PDZD9: variants seen among roughly 807,000 people sequenced by gnomAD.
The protein encoded by PDZD9 is PDZ domain containing 9, also known as PDZ domain-containing protein 9.
PDZD9 carries 13 observed loss-of-function variants against 16.3 expected under a neutral mutation model. That is an observed-to-expected ratio of 0.80 (90% CI 0.52 to 1.27). The LOEUF (loss-of-function observed/expected upper bound fraction) is 1.27. Among genes scored for constraint, PDZD9 ranks in the 50% most tolerant of loss-of-function variants. The probability of loss-of-function intolerance (pLI) is 0.00; values close to 1 mark genes in which losing one functional copy is unlikely to be tolerated. For missense variants in PDZD9, 288 were observed against 310.9 expected, an observed-to-expected ratio of 0.93 and a Z score of 0.55; for synonymous variants, 120 against 111.0, an observed-to-expected ratio of 1.08 and a Z score of -0.51.
At chr16:21,976,399 T>C in the PDZD9 span, 3 of 638,936 alleles carry the variant, frequency 4.7e-6, 1 homozygote, top group East Asian at 6.3e-5. Flanking sequence ...CCTAAAGATA[T>C]AATTGTTAAC....
At chr16:21,983,604 T>A, downstream of PDZD9, 1 of 190,696 alleles carries the variant, frequency 5.2e-6, no homozygotes, top group Non-Finnish European at 1.1e-5. Context: ...TTACCCCTGT[T>A]TTGCCTTTTT....
the PDZD9 span, chr16:21,961,282 G>A: frequency 2.3e-6 from 1 of 434,428 alleles, no homozygotes; most frequent in Admixed American, 2.6e-5. Flanking sequence ...CATTCACAAA[G>A]GTATTCTTTA....
chr16:21,980,814 C>A, downstream of PDZD9: 2 of 1,254,166 alleles, frequency 1.6e-6, no homozygotes, highest in Non-Finnish European at 2.2e-6. Flanking sequence ...GTTTGGTGCT[C>A]ATCTACTTAA....
intron 1 of PDZD9, among the ~76,000 whole-genome samples, chr16:22,000,686 T>C (rs1349677554): frequency 6.6e-6 from 1 of 152,030 alleles, no homozygotes; most frequent in Non-Finnish European, 1.5e-5. Flanking sequence ...TAGCTGGGCA[T>C]GGTGGCAGGC....
chr16:21,963,734 G>C, the PDZD9 span, among the ~76,000 whole-genome samples: 1 of 152,124 alleles, frequency 6.6e-6, no homozygotes, highest in South Asian at 2.1e-4. Context: ...TTCCCAAAGT[G>C]CTGGGATTAC....
intron 2 of PDZD9, among the ~76,000 whole-genome samples, chr16:21,993,944 T>G (rs1899083872): frequency 1.3e-5 from 2 of 152,142 alleles, no homozygotes; most frequent in Non-Finnish European, 2.9e-5. Flanking sequence ...GGAGGATTGC[T>G]TGAGGCCAGG....
chr16:21,997,408 G>A (rs2141963605), intron 1 of PDZD9, among the ~76,000 whole-genome samples: 1 of 152,326 alleles, frequency 6.6e-6, no homozygotes, highest in South Asian at 2.1e-4. Flanking sequence ...AGAAAGGAAG[G>A]AACAGTCCCT....
rs753384850 is a variant in PDZD9, at chr16:21,988,697, C to T, written c.306G>A (p.Val102=). 9 of 1,612,676 alleles carry T rather than the reference C, an allele frequency of 5.6e-6. 1 individual carries two copies. The highest frequency in any genetic ancestry group is 7.6e-6 in the Non-Finnish European group (9 of 1,178,972). The change falls in exon 3 of 4, where the codon GTG becomes GTA. Residue 102 remains valine (V), a synonymous_variant. Coordinates refer to ENST00000424898, the MANE Select transcript of PDZD9 (RefSeq NM_001363519.1). ...AATCTCGGTAAACCTTGATTTGTAG[C>T]ACTGTTCCAATAGTGATATGTTGCA... is the stretch of plus-strand genomic sequence containing the variant. ...QLLQHITIGT[V]LQIKVYRDFI... is the part of the protein sequence containing the mutation.
intron 3 of PDZD9, among the ~76,000 whole-genome samples, chr16:21,986,729 G>T (rs1357251642): frequency 6.6e-6 from 1 of 152,200 alleles, no homozygotes; most frequent in African/African-American, 2.4e-5. Flanking sequence ...GTGAACAACT[G>T]ATTACACAGA....
At chr16:21,980,044 C>T (rs1898678896), downstream of PDZD9, among the ~76,000 whole-genome samples, 1 of 152,168 alleles carries the variant, frequency 6.6e-6, no homozygotes, top group Non-Finnish European at 1.5e-5. Flanking sequence ...ATAACCTGGG[C>T]CAAGCTATGA....
intron 1 of PDZD9, among the ~76,000 whole-genome samples, 177 bp downstream of exon 1, chr16:22,000,840 G>C (rs1367500770): frequency 2.0e-5 from 3 of 150,728 alleles, no homozygotes; most frequent in Non-Finnish European, 4.4e-5. Context: ...TGATGATGAT[G>C]ATGATGATGA....
the PDZD9 span, chr16:21,968,783 C>G: frequency 9.4e-7 from 1 of 1,065,334 alleles, no homozygotes; most frequent in Non-Finnish European, 1.3e-6. Flanking sequence ...AATTTGAAAA[C>G]TTCGGCCTTC....
the PDZD9 span, among the ~76,000 whole-genome samples, chr16:21,978,196 A>G: frequency 2.6e-4 from 39 of 152,296 alleles, no homozygotes; most frequent in African/African-American, 9.4e-4. Context: ...AAAGAGAGAA[A>G]GTGAGGTGTC....
At chr16:21,990,034 T>C (rs1898984621) in intron 2 of PDZD9, among the ~76,000 whole-genome samples, 3 of 152,200 alleles carry the variant, frequency 2.0e-5, no homozygotes, top group African/African-American at 7.2e-5. Context: ...ACACAGCTCT[T>C]GGTTCTCTCA....
rs1293350658 is a variant in PDZD9 at position 21,984,355 on chromosome 16, G to A, written c.707C>T (p.Ser236Phe). 6.2e-7 allele frequency: 1 copy of A among 1,614,148 alleles called. No individual in the cohort carries two copies. The highest frequency in any genetic ancestry group is 1.3e-5 in the African/African-American group (1 of 75,050). Residue 236 changes from serine (S) to phenylalanine (F), a missense_variant, in exon 4 of 4, where the codon TCT becomes TTT. Physicochemically the swap from Ser to Phe is radical, Grantham distance 155. Coordinates refer to ENST00000424898, the MANE Select transcript of PDZD9 (RefSeq NM_001363519.1). ...VKQDNESSSS[S>F]TSSTSDAFWL... ...AAATGCATCTGAGGTAGAGGAGGTAGAGGAGGAAGAGCTTTCATTGTCTTG... is the reference window on the plus strand; with the variant it reads ...AAATGCATCTGAGGTAGAGGAGGTAAAGGAGGAAGAGCTTTCATTGTCTTG...
chr16:21,995,106 GATC>G, intron 2 of PDZD9: 1 of 403,874 alleles, frequency 2.5e-6, no homozygotes, highest in East Asian at 7.8e-5. Flanking sequence ...GAGGTGACTG[GATC>G]ACAAGGGCAG....
Position 21,986,686 on chromosome 16 carries a change from TTGA to T in PDZD9, c.401+1913_401+1915del, listed in dbSNP as rs570396512. 3.0e-3 allele frequency among the ~76,000 whole-genome samples: 450 copies of T among 152,296 alleles called. 2 individuals are homozygous for T. The highest frequency in any genetic ancestry group is 0.01 in the African/African-American group (430 of 41,558). ...AAACAAGACAGACTCAGTCCCTGCC[TTGA>T]TGGAGTTCACATTCTCCCAGGGAAA... On this transcript the variant is annotated intron_variant, in intron 3 of 3. Coordinates refer to ENST00000424898, the MANE Select transcript of PDZD9 (RefSeq NM_001363519.1).
At chr16:21,962,596 T>G in the PDZD9 span, 12 of 1,600,838 alleles carry the variant, frequency 7.5e-6, no homozygotes, top group Non-Finnish European at 6.8e-6. Flanking sequence ...TAATGCGTCA[T>G]TATGACCTCT....
the PDZD9 span, among the ~76,000 whole-genome samples, chr16:21,964,744 C>T: frequency 6.6e-6 from 1 of 152,226 alleles, no homozygotes; most frequent in Non-Finnish European, 1.5e-5. Context: ...GCCGACATTG[C>T]ACCCATAATA....
Sources: allele counts gnomAD v4.1 joint callset (sites outside exome capture counted in the v4.1 genomes callset), GRCh38; gene constraint gnomAD v4.1.1; transcripts MANE v1.5; gene names NCBI Gene and HGNC (gene_info 2026-07-23, HGNC 2026-07-21).